The following UBOX5 variants were observed in gnomAD, a reference collection of about 807,000 sequenced individuals.
UBOX5 encodes RING finger protein 37.
In UBOX5, 28 loss-of-function variants were observed where a neutral mutation model predicts 39.0. The ratio of observed to expected loss-of-function variants is 0.72; its 90% CI spans 0.53 to 0.98. UBOX5 has a LOEUF of 0.98. Ranked by LOEUF, UBOX5 falls within the 50% of genes least tolerant of loss-of-function variation. The probability of loss-of-function intolerance (pLI) is 0.00; values close to 1 mark genes in which losing one functional copy is unlikely to be tolerated. For synonymous variants in UBOX5, 283 were observed against 275.5 expected (o/e 1.03, Z -0.27); for missense variants, 585 against 674.4 (o/e 0.87, Z 1.47).
intron 3 of UBOX5, among the ~76,000 whole-genome samples, chr20:3,116,988 C>T (rs1014571748): frequency 2.0e-5 from 3 of 151,708 alleles, no homozygotes; most frequent in Non-Finnish European, 4.4e-5. Context: ...CCCAGCTACT[C>T]GGGAAGCTGA....
At chr20:3,142,558 C>T (rs531169005) in intron 1 of UBOX5, among the ~76,000 whole-genome samples, 7 of 146,322 alleles carry the variant, frequency 4.8e-5, no homozygotes, top group Non-Finnish European at 1.0e-4. Flanking sequence ...GAGCTGAGAT[C>T]GTGCTACTAC....
chr20:3,117,287 GCACACACACACACACACACACACACA>G (rs11468015), intron 3 of UBOX5, among the ~76,000 whole-genome samples: 1 of 147,414 alleles, frequency 6.8e-6, no homozygotes, highest in Admixed American at 6.8e-5. Context: ...ACCAAAGATG[GCACACACACACACACACACACACACA>G]CACACACACA....
At chr20:3,114,745 C>T (rs1180346259) in intron 4 of UBOX5, among the ~76,000 whole-genome samples, 2 of 152,066 alleles carry the variant, frequency 1.3e-5, no homozygotes, top group Non-Finnish European at 1.5e-5. Flanking sequence ...GTCGGGAGTT[C>T]GAGACCAGCC....
intron 1 of UBOX5, among the ~76,000 whole-genome samples, chr20:3,128,959 A>G (rs779602779): frequency 6.6e-6 from 1 of 152,208 alleles, no homozygotes; most frequent in African/African-American, 2.4e-5. Flanking sequence ...GCCCTTTCCA[A>G]TATGTGTTAG....
chr20:3,158,077 G>A (rs976980650), intron 1 of UBOX5, among the ~76,000 whole-genome samples: 1 of 151,948 alleles, frequency 6.6e-6, no homozygotes, highest in African/African-American at 2.4e-5. Context: ...TAAGTAGCTT[G>A]GACTACAAGC....
At chr20:3,136,310 T>C (rs2148608867) in intron 1 of UBOX5, among the ~76,000 whole-genome samples, 1 of 151,932 alleles carries the variant, frequency 6.6e-6, no homozygotes, top group South Asian at 2.1e-4. Flanking sequence ...TTACTGAGCA[T>C]CTCACAAGGA....
chr20:3,134,718 G>T (rs759975379), intron 1 of UBOX5, among the ~76,000 whole-genome samples: 11 of 151,050 alleles, frequency 7.3e-5, no homozygotes, highest in Non-Finnish European at 1.3e-4. Flanking sequence ...AATTAGCCAG[G>T]CATGGTGGCG....
intron 1 of UBOX5, among the ~76,000 whole-genome samples, chr20:3,138,343 T>C (rs1300612406): frequency 6.6e-6 from 1 of 151,984 alleles, no homozygotes; most frequent in Non-Finnish European, 1.5e-5. Context: ...TGTCTAGGAA[T>C]ATGTATACAT....
intron 1 of UBOX5, among the ~76,000 whole-genome samples, chr20:3,145,209 C>A (rs1348585417): frequency 6.6e-6 from 1 of 151,632 alleles, no homozygotes; most frequent in Admixed American, 6.6e-5. Flanking sequence ...TGGGAGTGCA[C>A]TGACACAATC....
At chr20:3,152,768 C>T (rs201352490) in intron 1 of UBOX5, among the ~76,000 whole-genome samples, 1 of 151,244 alleles carries the variant, frequency 6.6e-6, no homozygotes. Context: ...ATTAGCTGGG[C>T]GTGGTAGTGC....
rs542262986 is a variant in UBOX5 at position 3,144,897 on chromosome 20, T to A, written c.-42+14869A>T. On this transcript the variant is annotated intron_variant, in intron 1 of 4. Coordinates refer to ENST00000217173, the MANE Select transcript of UBOX5 (RefSeq NM_014948.4). ...GAACCATTGGCCCAACAGGTGCTTG[T>A]GTAATTCTGTTCTTCTAGGTCCAAT... 4.6e-5 allele frequency among the ~76,000 whole-genome samples: 7 copies of A among 152,294 alleles called. No individual in the cohort carries two copies. The East Asian group carries it at 1.2e-3, about 25-fold the overall frequency.
At chr20:3,119,185 C>G (rs934231931) in intron 3 of UBOX5, among the ~76,000 whole-genome samples, 8 of 152,218 alleles carry the variant, frequency 5.3e-5, no homozygotes, top group Non-Finnish European at 7.3e-5. Flanking sequence ...CTGGAACGCA[C>G]AGCTCCCACA....
At chr20:3,141,392 A>G (rs2148613326) in intron 1 of UBOX5, among the ~76,000 whole-genome samples, 1 of 152,278 alleles carries the variant, frequency 6.6e-6, no homozygotes, top group African/African-American at 2.4e-5. Context: ...TCACACCTGT[A>G]ATCCCAACAC....
At chr20:3,125,884 G>A (rs150715438) in intron 1 of UBOX5, among the ~76,000 whole-genome samples, 4,427 of 146,394 alleles carry the variant, frequency 0.03, 128 homozygotes, top group African/African-American at 0.085. Context: ...CCGCCACCCC[G>A]TCTGGGAAGT....
intron 1 of UBOX5, among the ~76,000 whole-genome samples, chr20:3,129,741 G>T (rs533827212): frequency 3.2e-4 from 49 of 152,274 alleles, no homozygotes; most frequent in African/African-American, 1.2e-3. Flanking sequence ...CTCAGTACTA[G>T]AAGAGTTGTT....
intron 3 of UBOX5, among the ~76,000 whole-genome samples, chr20:3,120,510 T>C (rs1239220947): frequency 1.3e-5 from 2 of 148,988 alleles, no homozygotes; most frequent in East Asian, 4.0e-4. Context: ...TAGCCAGGCG[T>C]GGTGGCGGGC....
chr20:3,150,315 C>T (rs2066611697), intron 1 of UBOX5, among the ~76,000 whole-genome samples: 1 of 151,992 alleles, frequency 6.6e-6, no homozygotes, highest in Admixed American at 6.6e-5. Flanking sequence ...CAAAGAGTAC[C>T]CCAAAGCTGG....
chr20:3,148,339 G>C, intron 1 of UBOX5: 1 of 1,614,086 alleles, frequency 6.2e-7, no homozygotes, highest in South Asian at 1.1e-5. Flanking sequence ...CCACCAAAAG[G>C]AGCTGATCCA....
At chr20:3,129,739 T>G (rs1004017133) in intron 1 of UBOX5, among the ~76,000 whole-genome samples, 1 of 152,242 alleles carries the variant, frequency 6.6e-6, no homozygotes, top group African/African-American at 2.4e-5. Flanking sequence ...GTCTCAGTAC[T>G]AGAAGAGTTG....
Sources: gnomAD v4.1 joint callset for allele counts (sites outside exome capture counted in the v4.1 genomes callset) on GRCh38, gnomAD v4.1.1 for gene constraint, MANE v1.5 for transcripts, NCBI Gene and HGNC (gene_info 2026-07-23, HGNC 2026-07-21) for gene names.